The following KIAA1217 variants were observed in gnomAD, a reference collection of about 807,000 sequenced individuals.
The protein encoded by KIAA1217 is KIAA1217, also known as sickle tail protein homolog.
In KIAA1217, 88 loss-of-function variants were observed where a neutral mutation model predicts 163.9. That is an observed-to-expected ratio of 0.54 (90% confidence interval 0.45 to 0.64). The LOEUF (loss-of-function observed/expected upper bound fraction) is 0.64. Ranked by LOEUF, KIAA1217 falls within the 30% of genes least tolerant of loss-of-function variation. The probability of loss-of-function intolerance (pLI) is 0.00; values close to 1 mark genes in which losing one functional copy is unlikely to be tolerated. For missense variants in KIAA1217, 2,372 were observed against 2,475.0 expected (o/e 0.96, Z 0.88); for synonymous variants, 903 against 923.1 (o/e 0.98, Z 0.39).
intron 2 of KIAA1217, among the ~76,000 whole-genome samples, chr10:24,082,073 T>C (rs895150516): frequency 2.0e-5 from 3 of 152,160 alleles, no homozygotes; most frequent in Non-Finnish European, 4.4e-5. Context: ...AAAAGATGCT[T>C]TCTGCTGCTG....
chr10:23,955,451 G>T (rs1161436185), intron 1 of KIAA1217, among the ~76,000 whole-genome samples: 1 of 152,148 alleles, frequency 6.6e-6, no homozygotes, highest in Non-Finnish European at 1.5e-5. Context: ...ATGATGCTTC[G>T]CTCCTTTTAT....
At chr10:24,194,288 C>T (rs1276516100) in intron 2 of KIAA1217, among the ~76,000 whole-genome samples, 3 of 134,070 alleles carry the variant, frequency 2.2e-5, no homozygotes, top group Non-Finnish European at 4.9e-5. Flanking sequence ...CCTCCTCTCC[C>T]CTCCCCTCCT....
intron 1 of KIAA1217, among the ~76,000 whole-genome samples, chr10:24,216,079 C>A (rs1281855087): frequency 6.6e-6 from 1 of 152,094 alleles, no homozygotes; most frequent in African/African-American, 2.4e-5. Context: ...AGAAAAGCAA[C>A]ATGAGGTGAA....
chr10:23,867,844 C>T (rs1394857656), intron 1 of KIAA1217, among the ~76,000 whole-genome samples: 1 of 152,156 alleles, frequency 6.6e-6, no homozygotes, highest in Non-Finnish European at 1.5e-5. Flanking sequence ...TGTGCAGAAG[C>T]TCTTTCATTT....
chr10:24,476,073 G>A (rs142071227), intron 6 of KIAA1217, among the ~76,000 whole-genome samples: 12 of 152,190 alleles, frequency 7.9e-5, no homozygotes, highest in South Asian at 4.2e-4. Flanking sequence ...TTTCCACCCC[G>A]GTTCTTGGAT....
intron 1 of KIAA1217, among the ~76,000 whole-genome samples, chr10:24,219,348 G>T (rs2069267651): frequency 2.6e-5 from 4 of 152,164 alleles, no homozygotes; most frequent in Non-Finnish European, 5.9e-5. Flanking sequence ...TTGGGCTTAA[G>T]CGATCCTCCC....
chr10:23,971,829 C>T (rs1023874184), intron 1 of KIAA1217, among the ~76,000 whole-genome samples: 1 of 152,094 alleles, frequency 6.6e-6, no homozygotes, highest in Non-Finnish European at 1.5e-5. Context: ...AAATATTTAC[C>T]ACCTATTCTC....
chr10:24,277,280 A>C (rs1401302852), intron 2 of KIAA1217, among the ~76,000 whole-genome samples: 1 of 152,204 alleles, frequency 6.6e-6, no homozygotes, highest in African/African-American at 2.4e-5. Context: ...ATTTACTTCC[A>C]ACTTTTCAGA....
intron 2 of KIAA1217, among the ~76,000 whole-genome samples, chr10:24,054,191 T>C (rs905171058): frequency 2.0e-5 from 3 of 151,998 alleles, no homozygotes; most frequent in Non-Finnish European, 4.4e-5. Context: ...AGGAGCAGGT[T>C]TTGGTAATTG....
At chr10:24,479,023 C>T (rs555898683) in intron 6 of KIAA1217, among the ~76,000 whole-genome samples, 14 of 152,274 alleles carry the variant, frequency 9.2e-5, no homozygotes, top group South Asian at 2.1e-4. Flanking sequence ...CAGCTACATT[C>T]GACAAATTAG....
At chr10:24,112,895 G>A (rs1023483655) in intron 2 of KIAA1217, among the ~76,000 whole-genome samples, 2 of 152,000 alleles carry the variant, frequency 1.3e-5, no homozygotes, top group African/African-American at 4.8e-5. Context: ...CATGACTGGT[G>A]TTCTTATAAG....
intron 1 of KIAA1217, among the ~76,000 whole-genome samples, chr10:23,818,331 T>TATATATATATATATAACACTATATATATA (rs1343079104): frequency 1.2e-5 from 1 of 86,814 alleles, no homozygotes; most frequent in Non-Finnish European, 2.3e-5. Flanking sequence ...ATATATATAT[T>TATATATATATATATAACACTATATATATA]TTATATATAT....
intron 3 of KIAA1217, among the ~76,000 whole-genome samples, chr10:24,395,963 CA>C (rs2055685988): frequency 6.6e-6 from 1 of 152,170 alleles, no homozygotes; most frequent in South Asian, 2.1e-4. Context: ...CATGAACCAC[CA>C]AGCCCAGCCT....
chr10:24,219,942 C>T, intron 2 of KIAA1217, 33 bp downstream of exon 2: 1 of 1,546,446 alleles, frequency 6.5e-7, no homozygotes, highest in Non-Finnish European at 8.7e-7. Flanking sequence ...CCTTGTGTAG[C>T]TCGCTCTCTA....
intron 1 of KIAA1217, among the ~76,000 whole-genome samples, chr10:23,796,371 A>T (rs1323877837): frequency 6.6e-6 from 1 of 151,480 alleles, no homozygotes; most frequent in African/African-American, 2.4e-5. Flanking sequence ...TTATTTATTT[A>T]TTTTTTAATT....
At chr10:24,186,847 G>A (rs537406669) in intron 2 of KIAA1217, among the ~76,000 whole-genome samples, 55 of 152,028 alleles carry the variant, frequency 3.6e-4, no homozygotes, top group Non-Finnish European at 6.9e-4. Context: ...CCAAGACGGT[G>A]GCACTGCACT....
chr10:23,758,188 G>C (rs146032751), intron 1 of KIAA1217, among the ~76,000 whole-genome samples: 63 of 152,218 alleles, frequency 4.1e-4, no homozygotes, highest in Non-Finnish European at 8.5e-4. Flanking sequence ...TACAGTTATA[G>C]CTATTACATT....
intron 1 of KIAA1217, among the ~76,000 whole-genome samples, chr10:23,919,480 T>C (rs1265721349): frequency 6.6e-6 from 1 of 151,438 alleles, no homozygotes; most frequent in Admixed American, 6.6e-5. Flanking sequence ...GTGGCATGTG[T>C]CTGTAATCCC....
At chr10:23,895,707 G>A (rs1174994625) in intron 1 of KIAA1217, among the ~76,000 whole-genome samples, 2 of 152,000 alleles carry the variant, frequency 1.3e-5, no homozygotes, top group Non-Finnish European at 2.9e-5. Context: ...GTTTATTGCG[G>A]CACTGTTCAC....
Sources: allele counts gnomAD v4.1 joint callset (sites outside exome capture counted in the v4.1 genomes callset), GRCh38; gene constraint gnomAD v4.1.1; transcripts MANE v1.5; gene names NCBI Gene and HGNC (gene_info 2026-07-23, HGNC 2026-07-21).